The following FAM234B variants were observed in gnomAD, a reference collection of about 807,000 sequenced individuals.
FAM234B encodes the protein family with sequence similarity 234 member B.
FAM234B carries 33 observed loss-of-function variants against 69.3 expected under a neutral mutation model. That is an observed-to-expected ratio of 0.48 (90% confidence interval 0.36 to 0.64). The LOEUF is 0.64. Among genes scored for constraint, FAM234B ranks in the 30% least tolerant of loss-of-function variants. The pLI, the probability that FAM234B is intolerant of heterozygous loss-of-function variation, is 0.00. For missense variants in FAM234B, 697 were observed against 769.7 expected (o/e 0.91, Z 1.12); for synonymous variants, 306 against 306.9 (o/e 1.00, Z 0.03).
At chr12:13,051,077 G>C (rs1047198152) in intron 1 of FAM234B, among the ~76,000 whole-genome samples, 1 of 152,082 alleles carries the variant, frequency 6.6e-6, no homozygotes, top group African/African-American at 2.4e-5. Context: ...TGTTTTCCTG[G>C]TTTTAGGGAA....
chr12:13,065,706 A>G (rs1049844008), intron 5 of FAM234B, among the ~76,000 whole-genome samples: 1 of 152,176 alleles, frequency 6.6e-6, no homozygotes, highest in Non-Finnish European at 1.5e-5. Flanking sequence ...CTTGAATTCT[A>G]TTCTTTCAAG....
chr12:13,068,788 C>A, intron 9 of FAM234B, 77 bp downstream of exon 9: 1 of 931,474 alleles, frequency 1.1e-6, no homozygotes, highest in South Asian at 1.6e-5. Context: ...TTAGGCACAG[C>A]AGGGAATAAA....
intron 7 of FAM234B, 58 bp from the exon 8 acceptor site, chr12:13,068,246 A>G (rs1344897916): frequency 1.3e-6 from 2 of 1,598,778 alleles, no homozygotes; most frequent in Admixed American, 3.3e-5. Context: ...GCCAAAGTAA[A>G]TGGCTCAGAA....
chr12:13,060,186 C>A (rs1046559363), intron 3 of FAM234B, among the ~76,000 whole-genome samples: 8 of 152,186 alleles, frequency 5.3e-5, no homozygotes, highest in African/African-American at 1.7e-4. Context: ...GGATTCGGAT[C>A]CAAGGAGTCT....
intron 1 of FAM234B, 113 bp from the exon 2 acceptor site, chr12:13,055,438 G>A (rs1012255242): frequency 9.3e-7 from 1 of 1,080,802 alleles, no homozygotes; most frequent in Non-Finnish European, 1.3e-6. Flanking sequence ...TGTAAACCTG[G>A]ATTTTTTTGT....
chr12:13,055,506 C>T (rs1301439681), intron 1 of FAM234B, 45 bp from the exon 2 acceptor site: 7 of 1,511,252 alleles, frequency 4.6e-6, no homozygotes, highest in Non-Finnish European at 5.3e-6. Flanking sequence ...GTGAGGGTGT[C>T]TTCTCCCCAG....
At chr12:13,056,446 A>T (rs531102083) in intron 2 of FAM234B, among the ~76,000 whole-genome samples, 15 of 152,304 alleles carry the variant, frequency 9.8e-5, no homozygotes, top group African/African-American at 3.6e-4. Flanking sequence ...GTGCTGTCTG[A>T]GTAATTCCAG....
rs546234455 is a variant in FAM234B, at chr12:13,060,564, A to T, written c.533-1011A>T. On this transcript the variant is annotated intron_variant, in intron 3 of 12. Transcript: ENST00000197268. ...TCCTAGCACCTTTGAGAAGCCTGGA[A>T]GTTACCATATACCACCTCTGTTTGT... Among the ~76,000 whole-genome samples the T allele has an allele frequency of 5.9e-5, 9 of 152,098 alleles. No individual in the cohort carries two copies. In the South Asian group the frequency reaches 1.9e-3, roughly 32 times the overall value.
intron 5 of FAM234B, among the ~76,000 whole-genome samples, chr12:13,066,048 A>G (rs1306401679): frequency 6.6e-6 from 1 of 152,186 alleles, no homozygotes; most frequent in Non-Finnish European, 1.5e-5. Context: ...GAACATCCTC[A>G]CACCCATTCA....
chr12:13,058,584 G>A (rs752137643), intron 3 of FAM234B, 35 bp downstream of exon 3: 1 of 1,545,022 alleles, frequency 6.5e-7, no homozygotes, highest in Admixed American at 1.7e-5. Context: ...CTGCTACAGG[G>A]GCACTGTCAG....
intron 1 of FAM234B, among the ~76,000 whole-genome samples, chr12:13,046,083 T>G (rs1007203096): frequency 5.3e-5 from 8 of 152,194 alleles, no homozygotes; most frequent in Non-Finnish European, 8.8e-5. Flanking sequence ...CTTGATGCTT[T>G]TTTAGGCCCA....
rs761049633 is a variant in FAM234B at position 13,066,658 on chromosome 12, C to A, written c.871C>A (p.Leu291Met). ...TCCTCAGCCAGATCTGTGCTTTCTG[C>A]TGGTGTCTGGCCGGACCGGAAATCC... The part of the protein sequence containing the change: ...GELQPDLCFL[L>M]VSGRTGNPVG... Residue 291 changes from leucine to methionine, a missense_variant, in exon 6 of 13, where the codon CTG (leucine) becomes ATG (methionine). Leu to Met is a conservative substitution (Grantham distance 15). Around this residue, in one of 3 missense-constraint regions of FAM234B, gnomAD observed 380 missense variants for 447.1 expected, o/e 0.85. Transcript: ENST00000197268. The A allele has an allele frequency of 1.2e-6, 2 of 1,613,242 alleles. No individual in the cohort carries two copies. The highest frequency in any genetic ancestry group is 4.5e-5 in the East Asian group (2 of 44,852).
rs762182885 is a variant in FAM234B at position 13,068,337 on chromosome 12, A to C, written c.1176A>C (p.Ala392=). 6 of 1,614,106 alleles carry C rather than the reference A, an allele frequency of 3.7e-6. No homozygotes were observed. Among genetic ancestry groups the C allele is most frequent in the Non-Finnish European group, 3.4e-6 (4 of 1,180,034 alleles). Residue 392 remains alanine (A), a synonymous_variant, in exon 8 of 13, where the codon GCA becomes GCC. Coordinates refer to ENST00000197268, the MANE Select transcript of FAM234B (RefSeq NM_020853.2). ...DGVELLQMVK[A]PDSNCSNLLI... ...TTGAACTACTCCAGATGGTGAAGGC[A>C]CCAGATTCCAACTGCAGCAACCTTC...
chr12:13,048,152 G>A (rs566465200), intron 1 of FAM234B, among the ~76,000 whole-genome samples: 115 of 152,172 alleles, frequency 7.6e-4, no homozygotes, highest in Non-Finnish European at 1.3e-3. Flanking sequence ...TTTATATTTC[G>A]GTGATGTCAT....
At chr12:13,075,657 T>C (rs576972994) in intron 10 of FAM234B, among the ~76,000 whole-genome samples, 1 of 149,110 alleles carries the variant, frequency 6.7e-6, no homozygotes, top group Admixed American at 6.7e-5. Context: ...GGTTTCTCCA[T>C]GTTGGCCAGG....
At chr12:13,079,720 C>A in intron 11 of FAM234B, 69 bp from the exon 12 acceptor site, 1 of 958,180 alleles carries the variant, frequency 1.0e-6, no homozygotes, top group Non-Finnish European at 1.7e-6. Flanking sequence ...TATTGTTGAA[C>A]CAAACCCCTC....
At chr12:13,057,049 C>T (rs1477468576) in intron 2 of FAM234B, among the ~76,000 whole-genome samples, 1 of 149,184 alleles carries the variant, frequency 6.7e-6, no homozygotes, top group Non-Finnish European at 1.5e-5. Context: ...ATGATCTCGG[C>T]TTACTGCAGG....
In FAM234B at chr12:13,068,319, A is replaced by T. The variant is rs923888360; in HGVS notation, c.1158A>T (p.Leu386=). The T allele has an allele frequency of 6.2e-7, 1 of 1,613,982 alleles. No individual in the cohort carries two copies. Among genetic ancestry groups the T allele is most frequent in the Non-Finnish European group, 8.5e-7 (1 of 1,180,006 alleles). Residue 386 remains leucine, a synonymous_variant, in exon 8 of 13, where the codon CTA becomes CTT. Coordinates refer to ENST00000197268, the MANE Select transcript of FAM234B (RefSeq NM_020853.2). The part of the protein sequence containing the change: ...LIDVYSDGVE[L]LQMVKAPDSN... Reference sequence around the variant, plus strand: ...TTTAACCCAGTGATGGTGTTGAACTACTCCAGATGGTGAAGGCACCAGATT... The same window carrying T: ...TTTAACCCAGTGATGGTGTTGAACTTCTCCAGATGGTGAAGGCACCAGATT...
rs751694712 is a variant in FAM234B at position 13,067,748 on chromosome 12, T to A, written c.1142+452T>A. ...AACTAGAAGCATGTAGTTTGTCACA[T>A]GCAGGGGATTTTACCCATTTAACCC... On this transcript the variant is annotated intron_variant, in intron 7 of 12. Coordinates refer to ENST00000197268, the MANE Select transcript of FAM234B (RefSeq NM_020853.2). The surrounding 1 kb of genome is among the most constrained non-coding windows in gnomAD (Gnocchi z 4.7). Among the ~76,000 whole-genome samples the A allele has an allele frequency of 2.6e-5, 4 of 152,242 alleles. No individual in the cohort carries two copies. Among genetic ancestry groups the A allele is most frequent in the Non-Finnish European group, 5.9e-5 (4 of 68,048 alleles).
Sources: gnomAD v4.1 joint callset for allele counts (sites outside exome capture counted in the v4.1 genomes callset) on GRCh38, gnomAD v4.1.1 for gene constraint, gnomAD v4.1.1 regional missense constraint, Gnocchi (gnomAD v3.1) non-coding constraint, MANE v1.5 for transcripts, NCBI Gene and HGNC (gene_info 2026-07-23, HGNC 2026-07-21) for gene names.